SUCLG2: variants seen among roughly 807,000 people sequenced by gnomAD.
The protein encoded by SUCLG2 is succinate-CoA ligase GDP-forming subunit beta.
Under a neutral mutation model 47.9 loss-of-function variants are expected in SUCLG2, and 42 were observed. The ratio of observed to expected loss-of-function variants is 0.88; its 90% confidence interval spans 0.69 to 1.14. SUCLG2 has a LOEUF of 1.14. SUCLG2 is among the 50% of genes most tolerant of loss of function. The pLI, the probability that SUCLG2 is intolerant of heterozygous loss-of-function variation, is 0.00. For missense variants in SUCLG2, 571 were observed against 525.9 expected (o/e 1.09, Z -0.84); for synonymous variants, 195 against 197.3 (o/e 0.99, Z 0.10).
In SUCLG2 at chr3:67,515,153, C is replaced by A. The variant is rs540980953; in HGVS notation, c.660+3094G>T. Among the ~76,000 whole-genome samples the A allele has an allele frequency of 4.6e-5, 7 of 152,300 alleles. No individual in the cohort carries two copies. The South Asian group carries it at 1.4e-3, about 32-fold the overall frequency. ...TGAGAAAGAGACCATATTCACATCA[C>A]TTTTATTACAGTATATTGCTATTGT... On this transcript the variant is annotated intron_variant, in intron 6 of 10. Coordinates refer to ENST00000307227, the MANE Select transcript of SUCLG2 (RefSeq NM_003848.4).
chr3:67,626,962 A>G (rs998065734), intron 1 of SUCLG2, among the ~76,000 whole-genome samples: 1 of 150,162 alleles, frequency 6.7e-6, no homozygotes, highest in Non-Finnish European at 1.5e-5. Context: ...CAGACGTGAG[A>G]GGACAGTATA....
At chr3:67,370,323 G>A (rs1378177646), downstream of SUCLG2, among the ~76,000 whole-genome samples, 1 of 152,008 alleles carries the variant, frequency 6.6e-6, no homozygotes, top group Non-Finnish European at 1.5e-5. Flanking sequence ...CATGCAGTTG[G>A]GAAACAATGA....
intron 2 of SUCLG2, among the ~76,000 whole-genome samples, chr3:67,569,612 T>C (rs888796591): frequency 6.6e-6 from 1 of 152,240 alleles, no homozygotes; most frequent in Non-Finnish European, 1.5e-5. Flanking sequence ...AGGATTCCTT[T>C]CTTCCTTCTA....
Position 67,518,351 on chromosome 3 carries a change from T to C in SUCLG2, c.571-15A>G. 1 of 1,600,046 alleles carries C rather than the reference T, an allele frequency of 6.2e-7. No individual in the cohort carries two copies. The highest frequency in any genetic ancestry group is 8.5e-7 in the Non-Finnish European group (1 of 1,171,160). On this transcript the variant is annotated splice_polypyrimidine_tract_variant and intron_variant, in intron 5 of 10. Coordinates refer to ENST00000307227, the MANE Select transcript of SUCLG2 (RefSeq NM_003848.4). ...TCAATTTGCTCCTAGTAAAAATAAATCAAATAAACAAAATTCAGACAGTCA... is the reference window on the plus strand; with the variant it reads ...TCAATTTGCTCCTAGTAAAAATAAACCAAATAAACAAAATTCAGACAGTCA...
At chr3:67,521,444 T>C (rs528801916) in intron 4 of SUCLG2, among the ~76,000 whole-genome samples, 1 of 152,274 alleles carries the variant, frequency 6.6e-6, no homozygotes, top group South Asian at 2.1e-4. Flanking sequence ...AGGTGTCCTT[T>C]TGCTCTGTAG....
intron 1 of SUCLG2, among the ~76,000 whole-genome samples, chr3:67,653,471 T>A (rs1701323360): frequency 6.6e-6 from 1 of 152,178 alleles, no homozygotes. Context: ...AGCTCACAGA[T>A]GTCATAACCA....
intron 2 of SUCLG2, among the ~76,000 whole-genome samples, chr3:67,594,114 G>A (rs959977767): frequency 6.6e-6 from 1 of 152,182 alleles, no homozygotes; most frequent in Non-Finnish European, 1.5e-5. Context: ...TTGCAGCCAA[G>A]CCCAGAGAGG....
intron 9 of SUCLG2, among the ~76,000 whole-genome samples, chr3:67,444,191 C>T (rs1321740137): frequency 1.9e-5 from 1 of 51,566 alleles, no homozygotes; most frequent in African/African-American, 6.8e-5. Context: ...CCAGCCGCCC[C>T]GTCCGGGAGG....
intron 9 of SUCLG2, among the ~76,000 whole-genome samples, chr3:67,404,968 A>ATTTTT (rs35223699): frequency 5.9e-5 from 8 of 134,796 alleles, no homozygotes; most frequent in Non-Finnish European, 7.9e-5. Flanking sequence ...GGCAAAGAGA[A>ATTTTT]TTTTTTTTTT....
At position 67,580,221 on chromosome 3, in the gene SUCLG2, G is replaced by A. The variant is rs556259587; in HGVS notation, c.226+29234C>T. ...TAGCATATTCAGATAAGCAACATAG[G>A]AGAAGCCCACACCAGTACCTGTTGC... On this transcript the variant is annotated intron_variant, in intron 2 of 10. Coordinates refer to ENST00000307227, the MANE Select transcript of SUCLG2 (RefSeq NM_003848.4). 9.2e-5 allele frequency among the ~76,000 whole-genome samples: 14 copies of A among 151,978 alleles called. No homozygotes were observed. The South Asian group carries it at 2.1e-3, about 23-fold the overall frequency.
intron 9 of SUCLG2, among the ~76,000 whole-genome samples, chr3:67,475,544 A>G (rs753312088): frequency 1.3e-5 from 2 of 152,204 alleles, no homozygotes; most frequent in Non-Finnish European, 2.9e-5. Flanking sequence ...ATGTCCTATT[A>G]TAAGTTTTCA....
chr3:67,395,935 T>G (rs1702515488), intron 10 of SUCLG2, among the ~76,000 whole-genome samples: 1 of 152,170 alleles, frequency 6.6e-6, no homozygotes, highest in African/African-American at 2.4e-5. Context: ...GGTACATAAG[T>G]AAATGAAGGC....
At chr3:67,383,427 T>C (rs1702199820) in intron 10 of SUCLG2, among the ~76,000 whole-genome samples, 1 of 152,234 alleles carries the variant, frequency 6.6e-6, no homozygotes, top group South Asian at 2.1e-4. Context: ...ATCTAAATGC[T>C]TTGTACCCCT....
intron 2 of SUCLG2, among the ~76,000 whole-genome samples, chr3:67,579,623 T>C (rs1707832345): frequency 6.6e-6 from 1 of 152,202 alleles, no homozygotes; most frequent in Non-Finnish European, 1.5e-5. Context: ...GATTGGAAAG[T>C]CTGTTCTAGG....
intron 6 of SUCLG2, among the ~76,000 whole-genome samples, chr3:67,515,135 G>A (rs183922498): frequency 6.6e-6 from 1 of 152,206 alleles, no homozygotes; most frequent in African/African-American, 2.4e-5. Flanking sequence ...TTTTGAGAAA[G>A]AGACCATATT....
At chr3:67,631,021 T>C (rs1041038294) in intron 1 of SUCLG2, among the ~76,000 whole-genome samples, 12 of 152,210 alleles carry the variant, frequency 7.9e-5, no homozygotes, top group Non-Finnish European at 1.8e-4. Flanking sequence ...AAGACCAATG[T>C]CCTATAAGAA....
At chr3:67,431,156 A>G (rs1019894518) in intron 9 of SUCLG2, among the ~76,000 whole-genome samples, 1 of 152,072 alleles carries the variant, frequency 6.6e-6, no homozygotes, top group African/African-American at 2.4e-5. Flanking sequence ...AAAAAAAAAG[A>G]GAATTTTAGA....
At chr3:67,516,596 G>A (rs1705951315) in intron 6 of SUCLG2, among the ~76,000 whole-genome samples, 1 of 152,176 alleles carries the variant, frequency 6.6e-6, no homozygotes, top group Non-Finnish European at 1.5e-5. Context: ...ACCTAGAAGT[G>A]TTGTTTCACC....
At chr3:67,608,721 A>G (rs1194211367) in intron 2 of SUCLG2, among the ~76,000 whole-genome samples, 1 of 151,452 alleles carries the variant, frequency 6.6e-6, no homozygotes, top group Non-Finnish European at 1.5e-5. Flanking sequence ...TCTGGCGCCC[A>G]GGCTAGAGTA....
Sources: allele counts gnomAD v4.1 joint callset (sites outside exome capture counted in the v4.1 genomes callset), GRCh38; gene constraint gnomAD v4.1.1; transcripts MANE v1.5; gene names NCBI Gene and HGNC (gene_info 2026-07-23, HGNC 2026-07-21).